NXN: variants seen among roughly 807,000 people sequenced by gnomAD.
The protein encoded by NXN is nucleoredoxin 1.
NXN carries 16 observed loss-of-function variants against 48.6 expected under a neutral mutation model. That is an observed-to-expected ratio of 0.33 (90% confidence interval 0.22 to 0.50). The LOEUF (loss-of-function observed/expected upper bound fraction) is 0.50. Among genes scored for constraint, NXN ranks in the 20% least tolerant of loss-of-function variants. The pLI is 0.98. For synonymous variants in NXN, 281 were observed against 269.6 expected (o/e 1.04, Z -0.41); for missense variants, 492 against 605.5 (o/e 0.81, Z 1.97).
chr17:938,199 A>T (rs978032785), intron 1 of NXN, among the ~76,000 whole-genome samples: 2 of 152,266 alleles, frequency 1.3e-5, no homozygotes, highest in Non-Finnish European at 2.9e-5. Context: ...GAGGCCGGAG[A>T]GGAACAAGCT....
rs1213015038 is a variant in NXN at position 956,527 on chromosome 17, C to T, written c.360+22792G>A. ...CTCCCGGGTTCCCGCCATTCTCCTGCCTCAGCCTCCCAAGTAGCTGGGACT... is the reference window on the plus strand; with the variant it reads ...CTCCCGGGTTCCCGCCATTCTCCTGTCTCAGCCTCCCAAGTAGCTGGGACT... On this transcript the variant is annotated intron_variant, in intron 1 of 7. Coordinates refer to ENST00000336868, the MANE Select transcript of NXN (RefSeq NM_022463.5). The surrounding 1 kb of genome is among the most constrained non-coding windows in gnomAD (Gnocchi z 4.1). Among the ~76,000 whole-genome samples the T allele has an allele frequency of 1.3e-5, 2 of 152,208 alleles. No homozygotes were observed. Among genetic ancestry groups the T allele is most frequent in the African/African-American group, 2.4e-5 (1 of 41,442 alleles).
intron 1 of NXN, among the ~76,000 whole-genome samples, chr17:904,823 C>A (rs776298192): frequency 6.6e-6 from 1 of 152,170 alleles, no homozygotes; most frequent in Admixed American, 6.5e-5. Flanking sequence ...GGATGACAGG[C>A]GTGAGCCACC....
chr17:881,155 A>G (rs1292066738), intron 1 of NXN, among the ~76,000 whole-genome samples: 1 of 152,222 alleles, frequency 6.6e-6, no homozygotes, highest in African/African-American at 2.4e-5. Flanking sequence ...TGACTAGAAT[A>G]GCAAAAGTAA....
chr17:878,331 A>C (rs939661537), intron 1 of NXN: 1 of 131,044 alleles, frequency 7.6e-6, no homozygotes, highest in South Asian at 2.6e-4. Context: ...GGCTGAGCAG[A>C]GTGTGCAAAG....
At chr17:938,698 A>C (rs2068936221) in intron 1 of NXN, among the ~76,000 whole-genome samples, 2 of 151,950 alleles carry the variant, frequency 1.3e-5, no homozygotes, top group Admixed American at 1.3e-4. Flanking sequence ...AACAAAACAA[A>C]AAACAAAAAC....
intron 1 of NXN, among the ~76,000 whole-genome samples, chr17:903,282 T>C (rs1017854183): frequency 1.3e-5 from 2 of 152,168 alleles, no homozygotes; most frequent in Non-Finnish European, 2.9e-5. Flanking sequence ...CTTGGCTCAC[T>C]GCAACCTCCT....
chr17:828,114 G>T (rs561623210), intron 1 of NXN, among the ~76,000 whole-genome samples: 29 of 151,770 alleles, frequency 1.9e-4, no homozygotes, highest in Middle Eastern at 3.4e-3. Context: ...TTGTTTTTTG[G>T]TTTTTTTTAA....
chr17:971,247 A>G (rs1365925314), intron 1 of NXN, among the ~76,000 whole-genome samples: 1 of 151,084 alleles, frequency 6.6e-6, no homozygotes, highest in Non-Finnish European at 1.5e-5. Flanking sequence ...CGCGTGGCCG[A>G]GTCTCTTTTA....
At chr17:973,258 G>C (rs532398555) in intron 1 of NXN, among the ~76,000 whole-genome samples, 1 of 152,160 alleles carries the variant, frequency 6.6e-6, no homozygotes, top group East Asian at 1.9e-4. Context: ...AGCTGGGACG[G>C]GAGGCAGGTC....
intron 1 of NXN, among the ~76,000 whole-genome samples, chr17:973,742 C>T (rs2069420447): frequency 6.6e-6 from 1 of 151,864 alleles, no homozygotes. Context: ...TGCCGTGGCC[C>T]GATCTCAGCT....
At chr17:966,263 A>C (rs940794261) in intron 1 of NXN, among the ~76,000 whole-genome samples, 2 of 152,138 alleles carry the variant, frequency 1.3e-5, no homozygotes, top group African/African-American at 4.8e-5. Context: ...GGCCCAACAC[A>C]AATTTGTAAA....
intron 1 of NXN, among the ~76,000 whole-genome samples, chr17:831,493 T>C (rs967702188): frequency 1.3e-5 from 2 of 151,288 alleles, no homozygotes; most frequent in African/African-American, 4.9e-5. Context: ...TATTTTGAGA[T>C]GGAGTCTTGC....
intron 5 of NXN, among the ~76,000 whole-genome samples, chr17:816,367 C>T (rs369342131): frequency 2.2e-4 from 33 of 151,634 alleles, no homozygotes; most frequent in African/African-American, 7.8e-4. Context: ...AGGAGAGTGC[C>T]CTGTGAGGAC....
At chr17:953,189 C>A (rs1019229210) in intron 1 of NXN, among the ~76,000 whole-genome samples, 3 of 152,048 alleles carry the variant, frequency 2.0e-5, no homozygotes, top group African/African-American at 7.2e-5. Context: ...CCGAGGCGGG[C>A]GGATCACCTG....
chr17:889,580 G>A lies in NXN; in HGVS notation c.361-63502C>T, dbSNP rs925794040. The stretch of plus-strand genomic sequence containing the variant: ...GTGGTGGCGTGTGCCTGTAATCCCA[G>A]CTAGGAGAATCGCTTGAACCCGGGA... On this transcript the variant is annotated intron_variant, in intron 1 of 7. Transcript: ENST00000336868. Among the ~76,000 whole-genome samples the A allele has an allele frequency of 1.3e-4, 20 of 152,188 alleles. No individual in the cohort carries two copies. The East Asian group carries it at 2.5e-3, about 19-fold the overall frequency.
intron 1 of NXN, among the ~76,000 whole-genome samples, chr17:847,023 G>A (rs537211367): frequency 1.1e-3 from 163 of 152,242 alleles, no homozygotes; most frequent in African/African-American, 3.7e-3. Flanking sequence ...CGCCCCAAAT[G>A]CTATTATAAA....
intron 1 of NXN, among the ~76,000 whole-genome samples, chr17:935,286 G>A (rs762236096): frequency 3.8e-4 from 58 of 152,070 alleles, no homozygotes; most frequent in Non-Finnish European, 5.9e-4. Flanking sequence ...GAGCCACCGC[G>A]CCCGGCCTTG....
intron 1 of NXN, among the ~76,000 whole-genome samples, chr17:948,694 GC>G (rs1485988616): frequency 6.6e-6 from 1 of 151,940 alleles, no homozygotes; most frequent in African/African-American, 2.4e-5. Context: ...GGGTCCCAAC[GC>G]GGGGCCTCAC....
chr17:803,783 C>T lies in NXN; in HGVS notation c.1024G>A (p.Glu342Lys), dbSNP rs746489680. 3.7e-6 allele frequency: 6 copies of T among 1,614,206 alleles called. No homozygotes were observed. The highest frequency in any genetic ancestry group is 1.1e-5 in the South Asian group (1 of 91,090). The change falls in exon 7 of 8, where the codon GAG becomes AAG. Residue 342 changes from glutamate to lysine, a missense_variant. Glu to Lys is a moderately conservative substitution (Grantham distance 56). Transcript: ENST00000336868. ...FVDSEDDGES[E>K]AAKQLIQPIA... ...GGCTGAATCAGCTGCTTGGCCGCCT[C>T]GGACTCTCCGTCATCCTCAGAATCT...
Sources: allele counts gnomAD v4.1 joint callset (sites outside exome capture counted in the v4.1 genomes callset), GRCh38; gene constraint gnomAD v4.1.1; non-coding constraint Gnocchi (gnomAD v3.1); transcripts MANE v1.5; gene names NCBI Gene and HGNC (gene_info 2026-07-23, HGNC 2026-07-21).